NCKAP5: variants seen among roughly 807,000 people sequenced by gnomAD.
The protein encoded by NCKAP5 is NCK associated protein 5.
A neutral mutation model predicts 167.0 loss-of-function variants in NCKAP5; 92 were observed. The ratio of observed to expected loss-of-function variants is 0.55; its 90% CI spans 0.47 to 0.66. The LOEUF (loss-of-function observed/expected upper bound fraction) is 0.66. Ranked by LOEUF, NCKAP5 falls within the 30% of genes least tolerant of loss-of-function variation. The probability of loss-of-function intolerance (pLI) is 0.00; values close to 1 mark genes in which losing one functional copy is unlikely to be tolerated. For synonymous variants in NCKAP5, 891 were observed against 877.4 expected, an observed-to-expected ratio of 1.02 and a Z score of -0.27; for missense variants, 2,378 against 2,315.0, an observed-to-expected ratio of 1.03 and a Z score of -0.56.
intron 3 of NCKAP5, chr2:133,381,485 T>A (rs1003819372): frequency 6.6e-6 from 1 of 152,256 alleles, no homozygotes; most frequent in Non-Finnish European, 1.5e-5. Flanking sequence ...AACTGCTCCC[T>A]CTATCCAGAA....
At chr2:132,927,372 T>C (rs1354843644) in intron 8 of NCKAP5, among the ~76,000 whole-genome samples, 2 of 133,912 alleles carry the variant, frequency 1.5e-5, no homozygotes, top group Non-Finnish European at 2.9e-5. Context: ...ATATTACTTT[T>C]AGGATTTTTT....
chr2:133,503,457 A>G (rs1006304085), intron 3 of NCKAP5, among the ~76,000 whole-genome samples: 1 of 152,224 alleles, frequency 6.6e-6, no homozygotes, highest in African/African-American at 2.4e-5. Flanking sequence ...CACATGGCTA[A>G]TTAGTAGCAG....
At chr2:133,297,603 A>G (rs1391125528) in intron 4 of NCKAP5, among the ~76,000 whole-genome samples, 2 of 152,184 alleles carry the variant, frequency 1.3e-5, no homozygotes, top group Non-Finnish European at 2.9e-5. Flanking sequence ...TCCATGGAGG[A>G]AAGGAAACTT....
chr2:133,422,277 C>T (rs990661194), intron 3 of NCKAP5, among the ~76,000 whole-genome samples: 2 of 152,210 alleles, frequency 1.3e-5, no homozygotes, highest in Non-Finnish European at 2.9e-5. Flanking sequence ...GCTCTATGTT[C>T]CTACAGATGA....
At chr2:132,757,257 A>G (rs909973017) in intron 16 of NCKAP5, among the ~76,000 whole-genome samples, 1 of 152,174 alleles carries the variant, frequency 6.6e-6, no homozygotes, top group Non-Finnish European at 1.5e-5. Context: ...CTCACATTCT[A>G]TCGATGGGCT....
the NCKAP5 span, among the ~76,000 whole-genome samples, chr2:133,593,569 C>G: frequency 2.6e-5 from 4 of 152,044 alleles, no homozygotes; most frequent in African/African-American, 9.7e-5. Context: ...TTGCCGAAGG[C>G]TGGGGAAAAC....
At chr2:133,663,373 T>A in the NCKAP5 span, among the ~76,000 whole-genome samples, 16,577 of 151,970 alleles carry the variant, frequency 0.11, 1,951 homozygotes, top group African/African-American at 0.28. Context: ...TATGGATTAA[T>A]CAGGGTGGCG....
chr2:133,488,849 G>T (rs1388120829), intron 3 of NCKAP5, among the ~76,000 whole-genome samples: 1 of 152,192 alleles, frequency 6.6e-6, no homozygotes, highest in Non-Finnish European at 1.5e-5. Flanking sequence ...CCGGGATGTG[G>T]AGGTTACAGT....
intron 11 of NCKAP5, among the ~76,000 whole-genome samples, chr2:132,852,793 A>G (rs1332939618): frequency 6.6e-6 from 1 of 152,188 alleles, no homozygotes; most frequent in Admixed American, 6.6e-5. Flanking sequence ...ACCACACCCT[A>G]GAAGGCTTTC....
chr2:133,296,402 G>A (rs1048313750), intron 4 of NCKAP5, among the ~76,000 whole-genome samples: 2 of 151,780 alleles, frequency 1.3e-5, no homozygotes, highest in South Asian at 2.1e-4. Context: ...GGAGGAGGCT[G>A]ATTTGGGTAG....
At chr2:132,857,171 CT>C (rs61007850) in intron 11 of NCKAP5, among the ~76,000 whole-genome samples, 40 of 147,886 alleles carry the variant, frequency 2.7e-4, no homozygotes, top group South Asian at 4.3e-4. Flanking sequence ...CTTCCATTAT[CT>C]TTTTTTTTTT....
At chr2:133,190,563 A>G (rs1162073575) in intron 5 of NCKAP5, among the ~76,000 whole-genome samples, 3 of 152,228 alleles carry the variant, frequency 2.0e-5, no homozygotes, top group Non-Finnish European at 4.4e-5. Flanking sequence ...TACTGGTACC[A>G]AAACAGAGAT....
At chr2:132,911,813 C>G (rs937433720) in intron 8 of NCKAP5, among the ~76,000 whole-genome samples, 2 of 152,162 alleles carry the variant, frequency 1.3e-5, no homozygotes, top group African/African-American at 4.8e-5. Flanking sequence ...TTATTATTCC[C>G]TGGATCCTAT....
At chr2:132,749,362 C>A (rs1236483289) in intron 16 of NCKAP5, among the ~76,000 whole-genome samples, 1 of 151,964 alleles carries the variant, frequency 6.6e-6, no homozygotes, top group Non-Finnish European at 1.5e-5. Context: ...AGCCACCATG[C>A]CTGGCTAATT....
chr2:133,065,308 G>A (rs147597998), intron 6 of NCKAP5, among the ~76,000 whole-genome samples: 29 of 152,270 alleles, frequency 1.9e-4, no homozygotes, highest in African/African-American at 6.7e-4. Context: ...CTGCGCAACA[G>A]CCATTTCTAT....
At chr2:133,231,170 A>C (rs1197511491) in intron 4 of NCKAP5, among the ~76,000 whole-genome samples, 1 of 152,214 alleles carries the variant, frequency 6.6e-6, no homozygotes, top group African/African-American at 2.4e-5. Flanking sequence ...GAGAAAATGG[A>C]GGCTCAAAGA....
At chr2:133,393,119 T>G (rs906016403) in intron 3 of NCKAP5, among the ~76,000 whole-genome samples, 6 of 152,196 alleles carry the variant, frequency 3.9e-5, no homozygotes, top group African/African-American at 1.2e-4. Context: ...AAACTAGACT[T>G]TTGGATGTTA....
At chr2:133,219,529 C>T (rs1390831828) in intron 4 of NCKAP5, among the ~76,000 whole-genome samples, 1 of 152,144 alleles carries the variant, frequency 6.6e-6, no homozygotes, top group African/African-American at 2.4e-5. Context: ...CTAAGTCCCA[C>T]GACAGCAAGA....
rs75816948 is a variant in NCKAP5 at position 133,335,075 on chromosome 2, C to G, written c.70-31965G>C. On this transcript the variant is annotated intron_variant, in intron 3 of 19. Coordinates refer to ENST00000409261, the MANE Select transcript of NCKAP5 (RefSeq NM_207363.3). ...TGCATAAAATGTCTTAAGTTTCACA[C>G]GGCCCAGTGGTGCAAGCTTGTTGTC... Among the ~76,000 whole-genome samples, 193 of 152,260 alleles carry G rather than the reference C, an allele frequency of 1.3e-3. 1 individual carries two copies. Among genetic ancestry groups the G allele is most frequent in the African/African-American group, 4.5e-3 (189 of 41,546 alleles).
Sources: allele counts gnomAD v4.1 joint callset (sites outside exome capture counted in the v4.1 genomes callset), GRCh38; gene constraint gnomAD v4.1.1; transcripts MANE v1.5; gene names NCBI Gene and HGNC (gene_info 2026-07-23, HGNC 2026-07-21).